CBLB: variants seen among roughly 807,000 people sequenced by gnomAD.
CBLB encodes the protein E3 ubiquitin-protein ligase CBL-B.
In CBLB, 31 loss-of-function variants were observed where a neutral mutation model predicts 104.9. That is an observed-to-expected ratio of 0.30 (90% CI 0.22 to 0.40). CBLB has a LOEUF of 0.40. Among genes scored for constraint, CBLB ranks in the 10% least tolerant of loss-of-function variants. The pLI is 1.00. For missense variants in CBLB, 1,062 were observed against 1,214.6 expected (o/e 0.87, Z 1.87); for synonymous variants, 440 against 422.6 (o/e 1.04, Z -0.51).
intron 18 of CBLB, among the ~76,000 whole-genome samples, chr3:105,667,771 A>G (rs949104970): frequency 1.3e-5 from 2 of 152,228 alleles, no homozygotes; most frequent in Non-Finnish European, 2.9e-5. Context: ...CTATTCATAA[A>G]TGACTATCAA....
chr3:105,735,433 TA>T (rs1171670870), intron 8 of CBLB, among the ~76,000 whole-genome samples: 2 of 152,070 alleles, frequency 1.3e-5, no homozygotes, highest in Non-Finnish European at 2.9e-5. Flanking sequence ...TATGCAATTA[TA>T]AAAAAAATTA....
intron 3 of CBLB, among the ~76,000 whole-genome samples, chr3:105,801,196 G>A (rs1336266394): frequency 3.3e-5 from 5 of 151,908 alleles, no homozygotes; most frequent in Non-Finnish European, 7.4e-5. Flanking sequence ...AACGCACTCA[G>A]GAAAATAGCA....
intron 2 of CBLB, among the ~76,000 whole-genome samples, chr3:105,854,160 G>C (rs1423850518): frequency 6.6e-6 from 1 of 152,166 alleles, no homozygotes; most frequent in African/African-American, 2.4e-5. Flanking sequence ...TTGAATAACT[G>C]AGTTATTAAG....
intron 3 of CBLB, among the ~76,000 whole-genome samples, chr3:105,833,653 C>G (rs1470585241): frequency 1.3e-5 from 2 of 151,864 alleles, no homozygotes; most frequent in East Asian, 3.9e-4. Context: ...AACTCACATT[C>G]TTGGGTATAT....
chr3:105,769,812 C>T (rs1015673179), intron 4 of CBLB, among the ~76,000 whole-genome samples: 1 of 152,200 alleles, frequency 6.6e-6, no homozygotes. Flanking sequence ...CATGCAAACA[C>T]TTCAAGCGAA....
intron 12 of CBLB, among the ~76,000 whole-genome samples, chr3:105,697,547 G>T (rs559549856): frequency 6.6e-6 from 1 of 151,810 alleles, no homozygotes; most frequent in Non-Finnish European, 1.5e-5. Context: ...GTCCTTCAAC[G>T]TCAGACTGTA....
chr3:105,733,912 C>A, intron 9 of CBLB, 97 bp downstream of exon 9: 1 of 1,110,246 alleles, frequency 9.0e-7, no homozygotes, highest in South Asian at 1.3e-5. Context: ...TCAAACAAAG[C>A]ACTTACCAGC....
At chr3:105,799,402 T>C (rs1170460806) in intron 3 of CBLB, among the ~76,000 whole-genome samples, 2 of 152,104 alleles carry the variant, frequency 1.3e-5, no homozygotes, top group Non-Finnish European at 2.9e-5. Flanking sequence ...TAGGCACAAT[T>C]AGTACCATTT....
chr3:105,700,994 A>G (rs149353367), intron 12 of CBLB, among the ~76,000 whole-genome samples: 190 of 152,342 alleles, frequency 1.2e-3, no homozygotes, highest in African/African-American at 3.9e-3. Flanking sequence ...AGATGAGATC[A>G]CTTTAATATT....
At chr3:105,805,704 TCCC>T in intron 3 of CBLB, among the ~76,000 whole-genome samples, 1 of 152,302 alleles carries the variant, frequency 6.6e-6, no homozygotes, top group East Asian at 1.9e-4. Context: ...GCAAGAGCCT[TCCC>T]TCACATGGGT....
At chr3:105,854,024 A>T (rs1283546869) in intron 2 of CBLB, among the ~76,000 whole-genome samples, 1 of 152,124 alleles carries the variant, frequency 6.6e-6, no homozygotes, top group Non-Finnish European at 1.5e-5. Context: ...GTTGACAACC[A>T]ATGTCTCACA....
Position 105,704,101 on chromosome 3 carries a change from G to C in CBLB, c.1480C>G (p.Pro494Ala), listed in dbSNP as rs200005937. 247 of 1,613,994 alleles carry C rather than the reference G, an allele frequency of 1.5e-4. No homozygotes were observed. The highest frequency in any genetic ancestry group is 1.9e-4 in the Non-Finnish European group (230 of 1,179,992). ...AGATGTGGGATCTGGAGTGGGTCAGGCTGTGGCTTTCTTCTCTGGGCAAGG... is the reference window on the plus strand; with the variant it reads ...AGATGTGGGATCTGGAGTGGGTCAGCCTGTGGCTTTCTTCTCTGGGCAAGG... ...SPLAQRRKPQ[P>A]DPLQIPHLSL... The change falls in exon 11 of 19, where the codon CCT becomes GCT. Residue 494 changes from proline (P) to alanine (A), a missense_variant. By Grantham distance (27) the Pro-to-Ala change is conservative (BLOSUM62 -1). This residue lies in a region of CBLB where 457 missense variants were observed against 632.0 expected (regional missense o/e 0.72). Transcript: ENST00000394030.
At chr3:105,699,096 GTATTA>G (rs2068760103) in intron 12 of CBLB, among the ~76,000 whole-genome samples, 1 of 152,024 alleles carries the variant, frequency 6.6e-6, no homozygotes, top group Admixed American at 6.6e-5. Flanking sequence ...CACCAAGTAA[GTATTA>G]TATTATAAGC....
chr3:105,771,112 A>G lies in CBLB; in HGVS notation c.566+5284T>C, dbSNP rs1227938782. ...CATAACAACAACAAACTACAGACCA[A>G]TATCTCTGATGAACATAGATGCAAA... is the stretch of plus-strand genomic sequence containing the variant. On this transcript the variant is annotated intron_variant, in intron 4 of 18. Transcript: ENST00000394030. 2.0e-5 allele frequency among the ~76,000 whole-genome samples: 3 copies of G among 152,164 alleles called. No individual in the cohort carries two copies. The East Asian group carries it at 5.8e-4, about 29-fold the overall frequency.
intron 5 of CBLB, 45 bp downstream of exon 5, chr3:105,751,417 G>C (rs1357200477): frequency 7.3e-7 from 1 of 1,364,486 alleles, no homozygotes; most frequent in Non-Finnish European, 1.0e-6. Context: ...AAAAGACAGG[G>C]AGAGAGAAGA....
At chr3:105,790,045 T>G (rs2081464164) in intron 3 of CBLB, among the ~76,000 whole-genome samples, 1 of 152,222 alleles carries the variant, frequency 6.6e-6, no homozygotes, top group Non-Finnish European at 1.5e-5. Context: ...GATGCACTGC[T>G]ATACCCAAGA....
intron 6 of CBLB, 98 bp from the exon 7 acceptor site, chr3:105,740,729 A>G: frequency 9.2e-7 from 1 of 1,085,692 alleles, no homozygotes; most frequent in Non-Finnish European, 1.4e-6. Flanking sequence ...ATAAACAATC[A>G]TTTAGAATTC....
At chr3:105,818,631 T>A (rs1028943231) in intron 3 of CBLB, among the ~76,000 whole-genome samples, 1 of 152,156 alleles carries the variant, frequency 6.6e-6, no homozygotes, top group Non-Finnish European at 1.5e-5. Flanking sequence ...TATATTATAA[T>A]GCAACTGTAT....
At position 105,719,273 on chromosome 3, in the gene CBLB, G is replaced by A. The variant is rs150288759; in HGVS notation, c.1407+774C>T. Among the ~76,000 whole-genome samples, 254 of 152,174 alleles carry A rather than the reference G, an allele frequency of 1.7e-3. 1 individual carries two copies. The highest frequency in any genetic ancestry group is 4.5e-3 in the African/African-American group (187 of 41,526). ...TCTTAAATTTTTTCTTCACAGATTT[G>A]CTATTGCCAGTGTTAGATGACGTTT... On this transcript the variant is annotated intron_variant, in intron 10 of 18. Coordinates refer to ENST00000394030, the MANE Select transcript of CBLB (RefSeq NM_170662.5).
Sources: gnomAD v4.1 joint callset for allele counts (sites outside exome capture counted in the v4.1 genomes callset) on GRCh38, gnomAD v4.1.1 for gene constraint, gnomAD v4.1.1 regional missense constraint, MANE v1.5 for transcripts, NCBI Gene and HGNC (gene_info 2026-07-23, HGNC 2026-07-21) for gene names.